TCF20: variants seen among roughly 807,000 people sequenced by gnomAD.
The protein encoded by TCF20 is transcription factor 20.
Under a neutral mutation model 148.6 loss-of-function variants are expected in TCF20, and 3 were observed. The ratio of observed to expected loss-of-function variants is 0.02; its 90% confidence interval spans 0.01 to 0.05. TCF20 has a LOEUF of 0.05. Ranked by LOEUF, TCF20 falls within the 10% of genes least tolerant of loss-of-function variation. The pLI is 1.00. For missense variants in TCF20, 2,350 were observed against 2,429.3 expected, an observed-to-expected ratio of 0.97 and a Z score of 0.69; for synonymous variants, 1,049 against 909.5, an observed-to-expected ratio of 1.15 and a Z score of -2.76.
At chr22:42,172,172 G>T (rs1358935352) in intron 3 of TCF20, among the ~76,000 whole-genome samples, 6 of 152,196 alleles carry the variant, frequency 3.9e-5, no homozygotes. Context: ...GCCCTCCTCT[G>T]TTCTCATACA....
intron 1 of TCF20, among the ~76,000 whole-genome samples, chr22:42,324,070 ATGGTGGTGG>A (rs200914746): frequency 1.3e-4 from 1 of 7,754 alleles, no homozygotes; most frequent in Non-Finnish European, 3.2e-4. Context: ...GATGGAGGTT[ATGGTGGTGG>A]TGGTGGTGGT....
intron 1 of TCF20, among the ~76,000 whole-genome samples, chr22:42,330,220 C>T (rs1010129649): frequency 6.6e-6 from 1 of 152,186 alleles, no homozygotes; most frequent in Non-Finnish European, 1.5e-5. Flanking sequence ...TCAATTTCCT[C>T]ATCTGCAGCA....
In TCF20 at chr22:42,214,580, G is replaced by A. The variant is rs749970857; in HGVS notation, c.726C>T (p.Ser242=). 1.9e-6 allele frequency: 3 copies of A among 1,614,012 alleles called. No individual in the cohort carries two copies. The highest frequency in any genetic ancestry group is 1.7e-5 in the Admixed American group (1 of 60,000). The change falls in exon 2 of 6, where the codon TCC becomes TCT. Residue 242 remains serine (S), a synonymous_variant. Transcript: ENST00000677622. The part of the protein sequence containing the change: ...GQHYQSSASS[S]SSSSFPSPQR... ...GTGGTGAAGGGAAGGAGGAGGAGGAGGAGGAGGAAGCAGAAGACTGATAGT... is the reference window on the plus strand; with the variant it reads ...GTGGTGAAGGGAAGGAGGAGGAGGAAGAGGAGGAAGCAGAAGACTGATAGT...
At chr22:42,193,998 T>C (rs1246112296) in intron 2 of TCF20, among the ~76,000 whole-genome samples, 3 of 152,140 alleles carry the variant, frequency 2.0e-5, no homozygotes, top group African/African-American at 7.2e-5. Context: ...CTGGTCAGAT[T>C]ATTGAAATTG....
chr22:42,305,109 C>A (rs1232235767), intron 1 of TCF20, among the ~76,000 whole-genome samples: 1 of 152,062 alleles, frequency 6.6e-6, no homozygotes, highest in Non-Finnish European at 1.5e-5. Context: ...TAAATAACCC[C>A]CTGGAGCCCC....
At chr22:42,181,640 C>T (rs1281746876) in intron 2 of TCF20, among the ~76,000 whole-genome samples, 2 of 149,254 alleles carry the variant, frequency 1.3e-5, no homozygotes, top group African/African-American at 2.5e-5. Context: ...CGATGTCTTG[C>T]TCTGTCACCC....
At chr22:42,237,651 C>A (rs746433767) in intron 1 of TCF20, among the ~76,000 whole-genome samples, 10 of 152,320 alleles carry the variant, frequency 6.6e-5, no homozygotes, top group Non-Finnish European at 1.3e-4. Flanking sequence ...AAACATATTT[C>A]TTAAATAAGA....
chr22:42,197,589 T>A (rs886442573), intron 2 of TCF20, among the ~76,000 whole-genome samples: 1 of 152,240 alleles, frequency 6.6e-6, no homozygotes, highest in African/African-American at 2.4e-5. Flanking sequence ...GCCAAAGTGC[T>A]GGGATTACAG....
chr22:42,270,871 G>A (rs1452047129), upstream of TCF20, among the ~76,000 whole-genome samples: 1 of 151,010 alleles, frequency 6.6e-6, no homozygotes, highest in Admixed American at 6.6e-5. Flanking sequence ...GTCGCACGGG[G>A]TTCTCCTCTG....
At chr22:42,293,806 C>T (rs1374855640) in intron 1 of TCF20, among the ~76,000 whole-genome samples, 2 of 152,212 alleles carry the variant, frequency 1.3e-5, no homozygotes, top group African/African-American at 4.8e-5. Flanking sequence ...TTGAGACCAG[C>T]CCGACCAACA....
chr22:42,215,009 C>T lies in TCF20; in HGVS notation c.297G>A (p.Val99=). Reference sequence around the variant, plus strand: ...GAGGAGGCTGTGGGGTTCCTGTAGTCACGGGGTCTTTGTTGCCTGCCATGT... The same window carrying T: ...GAGGAGGCTGTGGGGTTCCTGTAGTTACGGGGTCTTTGTTGCCTGCCATGT... The part of the protein sequence containing the change: ...FYYMAGNKDP[V]TTGTPQPPQR... Residue 99 remains valine, a synonymous_variant, in exon 2 of 6, where the codon GTG becomes GTA. Transcript: ENST00000677622. 2.5e-6 allele frequency: 4 copies of T among 1,614,212 alleles called. No homozygotes were observed. The highest frequency in any genetic ancestry group is 3.4e-6 in the Non-Finnish European group (4 of 1,180,040).
Position 42,210,787 on chromosome 22 carries a change from C to T in TCF20, c.4519G>A (p.Ala1507Thr), listed in dbSNP as rs780973217. 6 of 1,614,082 alleles carry T rather than the reference C, an allele frequency of 3.7e-6. No individual in the cohort carries two copies. The African/African-American group carries it at 5.3e-5, about 14-fold the overall frequency. The change falls in exon 2 of 6, where the codon GCA becomes ACA. Residue 1507 changes from alanine (A) to threonine (T), a missense_variant. By Grantham distance (58) the Ala-to-Thr change is moderately conservative. Around this residue, in one of 7 missense-constraint regions of TCF20, gnomAD observed 231 missense variants for 213.7 expected, o/e 1.08. Coordinates refer to ENST00000677622, the MANE Select transcript of TCF20 (RefSeq NM_001378418.1). This position sits in a 1 kb window ranked among gnomAD's most constrained non-coding sequence, Gnocchi z 4.7. ...TCCTTCTCTTCAGCCTTGGGGTTTG[C>T]CTCAGGGGCCAATATGCCCACTGGA... The part of the protein sequence containing the change: ...VPPVGILAPE[A>T]NPKAEEKEND...
chr22:42,310,609 T>C (rs1483768257), intron 1 of TCF20, among the ~76,000 whole-genome samples: 1 of 152,022 alleles, frequency 6.6e-6, no homozygotes, highest in Non-Finnish European at 1.5e-5. Context: ...CTCGTGGAAG[T>C]GGCAGCCCGC....
chr22:42,293,373 G>A (rs931300778), intron 1 of TCF20, among the ~76,000 whole-genome samples: 8 of 152,204 alleles, frequency 5.3e-5, no homozygotes, highest in African/African-American at 1.7e-4. Context: ...CCTAGGGCTC[G>A]GCATTCAGAC....
chr22:42,338,076 G>A lies in TCF20; in HGVS notation c.-37+5403C>T, dbSNP rs1434623685. Among the ~76,000 whole-genome samples the A allele has an allele frequency of 6.6e-6, 1 of 152,164 alleles. No homozygotes were observed. The highest frequency in any genetic ancestry group is 6.5e-5 in the Admixed American group (1 of 15,282). On this transcript the variant is annotated intron_variant, in intron 1 of 1. Coordinates refer to the TCF20 transcript ENST00000515426. The surrounding 1 kb of genome is among the most constrained non-coding windows in gnomAD (Gnocchi z 4.0). ...CTGGGCCCCACCTGGGTCCAGTGGG[G>A]GCATGCGTCCCAGGAAGAAAACCCT...
chr22:42,330,799 A>G (rs556923116), intron 1 of TCF20, among the ~76,000 whole-genome samples: 1 of 152,336 alleles, frequency 6.6e-6, no homozygotes, highest in African/African-American at 2.4e-5. Context: ...CTGAATTCAG[A>G]AACTTGAAGC....
chr22:42,323,959 G>GTGGTGGTGGTGGTGATGGTGGTTA (rs2147052219), intron 1 of TCF20, among the ~76,000 whole-genome samples: 1 of 124,030 alleles, frequency 8.1e-6, no homozygotes. Context: ...GGTTATGGTG[G>GTGGTGGTGGTGGTGATGGTGGTTA]TGGTGGTGAT....
At chr22:42,202,349 C>T (rs1177321440) in intron 2 of TCF20, among the ~76,000 whole-genome samples, 2 of 152,252 alleles carry the variant, frequency 1.3e-5, no homozygotes, top group Admixed American at 6.5e-5. Flanking sequence ...CAAAGAGCAA[C>T]ACATTTAATC....
chr22:42,309,916 G>C (rs1450743505), intron 1 of TCF20, among the ~76,000 whole-genome samples: 1 of 152,220 alleles, frequency 6.6e-6, no homozygotes, highest in African/African-American at 2.4e-5. Context: ...ATGCTCTGAG[G>C]TTGTGTCCAA....
Sources: gnomAD v4.1 joint callset for allele counts (sites outside exome capture counted in the v4.1 genomes callset) on GRCh38, gnomAD v4.1.1 for gene constraint, gnomAD v4.1.1 regional missense constraint, Gnocchi (gnomAD v3.1) non-coding constraint, MANE v1.5 for transcripts, NCBI Gene and HGNC (gene_info 2026-07-23, HGNC 2026-07-21) for gene names.